The following ROBO2 variants were observed in gnomAD, a reference collection of about 807,000 sequenced individuals.
The protein encoded by ROBO2 is roundabout homolog 2.
A neutral mutation model predicts 160.8 loss-of-function variants in ROBO2; 53 were observed. That is an observed-to-expected ratio of 0.33 (90% CI 0.26 to 0.41). ROBO2 has a LOEUF of 0.41. Among genes scored for constraint, ROBO2 ranks in the 10% least tolerant of loss-of-function variants. The pLI is 1.00. For missense variants in ROBO2, 1,577 were observed against 1,722.4 expected (o/e 0.92, Z 1.49); for synonymous variants, 664 against 611.7 (o/e 1.09, Z -1.26).
intron 14 of ROBO2, among the ~76,000 whole-genome samples, chr3:77,575,530 C>A (rs2153671427): frequency 6.6e-6 from 1 of 152,092 alleles, no homozygotes; most frequent in Non-Finnish European, 1.5e-5. Flanking sequence ...ATGTGCTTGA[C>A]CAAAGAGCTC....
At chr3:76,580,328 G>GTTTTTTTTTTTTTTTTTTTTTTTTTTTTT (rs748888426) in intron 2 of ROBO2, among the ~76,000 whole-genome samples, 31 of 67,216 alleles carry the variant, frequency 4.6e-4, no homozygotes, top group East Asian at 7.6e-4. Flanking sequence ...TTTTTTTTTT[G>GTTTTTTTTTTTTTTTTTTTTTTTTTTTTT]TTTTTTTTTT....
At chr3:75,989,976 A>G (rs2065520141) in intron 2 of ROBO2, among the ~76,000 whole-genome samples, 1 of 152,184 alleles carries the variant, frequency 6.6e-6, no homozygotes, top group Non-Finnish European at 1.5e-5. Context: ...CAAATTAATA[A>G]TTGATTTCTC....
chr3:76,109,412 CTACTACTAATAATACCA>C (rs2070113421), intron 2 of ROBO2, among the ~76,000 whole-genome samples: 1 of 151,918 alleles, frequency 6.6e-6, no homozygotes, highest in South Asian at 2.1e-4. Flanking sequence ...TCAGGTACCA[CTACTACTAATAATACCA>C]TATGTGGCTT....
chr3:76,252,723 C>T (rs928413802), intron 2 of ROBO2, among the ~76,000 whole-genome samples: 1 of 150,562 alleles, frequency 6.6e-6, no homozygotes, highest in African/African-American at 2.4e-5. Context: ...CACACACTCA[C>T]ATATATACAT....
At chr3:76,858,000 C>T (rs1023254806) in intron 2 of ROBO2, among the ~76,000 whole-genome samples, 6 of 152,014 alleles carry the variant, frequency 3.9e-5, no homozygotes, top group African/African-American at 1.4e-4. Context: ...TCCAGTTTAC[C>T]CTTCAAGACT....
At position 77,099,021 on chromosome 3, in the gene ROBO2, A is replaced by G. The variant is rs1176971271; in HGVS notation, c.388+681A>G. Among the ~76,000 whole-genome samples the G allele has an allele frequency of 2.0e-5, 3 of 150,456 alleles. No individual in the cohort carries two copies. In the East Asian group the frequency reaches 5.9e-4, roughly 30 times the overall value. On this transcript the variant is annotated intron_variant, in intron 2 of 25. Coordinates refer to ENST00000461745, the Ensembl canonical transcript of ROBO2. ...TATATTTTCTCCTAAATAATAGCTC[A>G]TGGGCCTGTGTCTTTCTTTTGGTAA...
chr3:76,772,911 C>T (rs1433514547), intron 2 of ROBO2, among the ~76,000 whole-genome samples: 1 of 151,138 alleles, frequency 6.6e-6, no homozygotes, highest in East Asian at 2.0e-4. Context: ...TTTCTGTGTG[C>T]ACTTTCTGTT....
chr3:77,450,178 G>T (rs2080979021), intron 2 of ROBO2, among the ~76,000 whole-genome samples: 1 of 152,066 alleles, frequency 6.6e-6, no homozygotes, highest in Non-Finnish European at 1.5e-5. Flanking sequence ...GAGTCAGCTG[G>T]TTTTATTTAA....
At chr3:76,268,289 G>C (rs1049490203) in intron 2 of ROBO2, among the ~76,000 whole-genome samples, 5 of 152,190 alleles carry the variant, frequency 3.3e-5, no homozygotes, top group African/African-American at 1.2e-4. Context: ...GGGGAGGGGA[G>C]GAGAGGAGAG....
chr3:76,916,332 CTT>C (rs2076302241), intron 2 of ROBO2, among the ~76,000 whole-genome samples: 1 of 151,932 alleles, frequency 6.6e-6, no homozygotes, highest in African/African-American at 2.4e-5. Context: ...ATAAAAGAGA[CTT>C]TATGGACAGA....
intron 2 of ROBO2, among the ~76,000 whole-genome samples, chr3:76,879,020 A>C (rs2073071686): frequency 6.6e-6 from 1 of 152,150 alleles, no homozygotes; most frequent in East Asian, 1.9e-4. Context: ...ATGATTTAAT[A>C]ATATTCTTAA....
chr3:76,525,313 ATCT>A (rs1376702325), intron 2 of ROBO2, among the ~76,000 whole-genome samples: 1 of 151,830 alleles, frequency 6.6e-6, no homozygotes, highest in Non-Finnish European at 1.5e-5. Flanking sequence ...ATGAAGGATG[ATCT>A]TCTTGGTTTT....
intron 2 of ROBO2, among the ~76,000 whole-genome samples, chr3:76,647,083 AACTCAGAGG>A (rs2091007507): frequency 6.6e-6 from 1 of 152,156 alleles, no homozygotes; most frequent in African/African-American, 2.4e-5. Flanking sequence ...TGACGCAGAG[AACTCAGAGG>A]AGGCTGCGTT....
chr3:77,473,386 G>A (rs2083570596), intron 2 of ROBO2, among the ~76,000 whole-genome samples: 1 of 148,652 alleles, frequency 6.7e-6, no homozygotes. Flanking sequence ...GCATTCACCC[G>A]TGCAAGCTTC....
chr3:76,195,321 A>G (rs1702210620), intron 2 of ROBO2, among the ~76,000 whole-genome samples: 1 of 152,156 alleles, frequency 6.6e-6, no homozygotes, highest in Non-Finnish European at 1.5e-5. Flanking sequence ...TATTTTAAAT[A>G]AGACATGGTC....
At chr3:76,934,210 G>GAAAAA (rs10687758) in intron 2 of ROBO2, among the ~76,000 whole-genome samples, 30 of 142,644 alleles carry the variant, frequency 2.1e-4, no homozygotes, top group East Asian at 4.1e-4. Flanking sequence ...ATCGAAAATA[G>GAAAAA]AAAAAAAAAA....
At chr3:76,632,436 T>A (rs1310672598) in intron 2 of ROBO2, among the ~76,000 whole-genome samples, 1 of 152,212 alleles carries the variant, frequency 6.6e-6, no homozygotes, top group East Asian at 1.9e-4. Context: ...CATTAGGGGC[T>A]ACCTGAGTGT....
intron 23 of ROBO2, chr3:77,632,690 A>G (rs2095190314): frequency 6.6e-7 from 1 of 1,505,796 alleles, no homozygotes; most frequent in Admixed American, 2.1e-5. Flanking sequence ...TCTTTGCATG[A>G]GAGAATCTTG....
At chr3:76,128,351 A>G (rs1247998763) in intron 2 of ROBO2, among the ~76,000 whole-genome samples, 1 of 152,124 alleles carries the variant, frequency 6.6e-6, no homozygotes, top group Non-Finnish European at 1.5e-5. Flanking sequence ...AAAAGAGGGT[A>G]TGAAGTGAAT....
Sources: allele counts gnomAD v4.1 joint callset (sites outside exome capture counted in the v4.1 genomes callset), GRCh38; gene constraint gnomAD v4.1.1; transcripts MANE v1.5; gene names NCBI Gene and HGNC (gene_info 2026-07-23, HGNC 2026-07-21).